Variants in LIPC observed in about 807,000 individuals in gnomAD.
LIPC encodes lipase C, hepatic type.
A neutral mutation model predicts 50.7 loss-of-function variants in LIPC; 44 were observed. That is an observed-to-expected ratio of 0.87 (90% CI 0.68 to 1.11). The LOEUF is 1.11. Among genes scored for constraint, LIPC ranks in the 50% most tolerant of loss-of-function variants. The pLI is 0.00. For synonymous variants in LIPC, 271 were observed against 256.4 expected (o/e 1.06, Z -0.54); for missense variants, 697 against 648.2 (o/e 1.08, Z -0.82).
chr15:58,467,705 T>C (rs1894620728), intron 1 of LIPC, among the ~76,000 whole-genome samples: 1 of 152,210 alleles, frequency 6.6e-6, no homozygotes, highest in African/African-American at 2.4e-5. Flanking sequence ...ATGTTCTATG[T>C]TTTATTTTGG....
At chr15:58,473,821 T>A (rs1890891643) in intron 1 of LIPC, 1 of 152,446 alleles carries the variant, frequency 6.6e-6, no homozygotes, top group African/African-American at 2.4e-5. Context: ...CTCCCCCTCA[T>A]TGCAATGTAC....
intron 1 of LIPC, among the ~76,000 whole-genome samples, chr15:58,449,250 G>A (rs1296822017): frequency 6.6e-6 from 1 of 152,212 alleles, no homozygotes; most frequent in Non-Finnish European, 1.5e-5. Context: ...TATGAAGCAT[G>A]TTGGCAGCCA....
chr15:58,512,364 G>A (rs951519421), intron 1 of LIPC, among the ~76,000 whole-genome samples: 6 of 152,182 alleles, frequency 3.9e-5, no homozygotes, highest in African/African-American at 1.4e-4. Context: ...CTACCAAAGT[G>A]TTGTTGGGAT....
intron 2 of LIPC, among the ~76,000 whole-genome samples, chr15:58,540,727 C>T (rs1467825156): frequency 5.9e-5 from 9 of 152,190 alleles, no homozygotes; most frequent in South Asian, 2.1e-4. Flanking sequence ...TGACTCTGCA[C>T]GCACTGTTCC....
intron 1 of LIPC, among the ~76,000 whole-genome samples, chr15:58,483,003 C>T (rs1263566569): frequency 1.3e-5 from 2 of 152,208 alleles, no homozygotes; most frequent in East Asian, 3.8e-4. Flanking sequence ...GAGCCCTTCA[C>T]TCAGCGAAAG....
intron 1 of LIPC, among the ~76,000 whole-genome samples, chr15:58,471,888 A>C (rs1359953876): frequency 3.3e-5 from 5 of 152,114 alleles, no homozygotes; most frequent in Non-Finnish European, 5.9e-5. Flanking sequence ...TGGGCTCCCC[A>C]GTGAAGCTCC....
intron 1 of LIPC, among the ~76,000 whole-genome samples, chr15:58,447,095 G>A (rs1893722858): frequency 7.3e-6 from 1 of 137,648 alleles, no homozygotes; most frequent in African/African-American, 2.7e-5. Flanking sequence ...GTTGCAGTGA[G>A]CCGAGATTGC....
chr15:58,565,350 G>T (rs1017262519), intron 8 of LIPC: 38 of 1,528,996 alleles, frequency 2.5e-5, no homozygotes, highest in Admixed American at 1.2e-4. Context: ...TGCTCACCCT[G>T]ACAATCCCAT....
chr15:58,568,920 C>T lies in LIPC; in HGVS notation c.*93C>T, dbSNP rs1894473461. The stretch of plus-strand genomic sequence containing the variant: ...TAGAAGCCAAAATTACATAAAGAAT[C>T]TCACACAAAGCTTAAATAAAGTTTA... On this transcript the variant is annotated 3_prime_UTR_variant, in exon 9 of 9. Transcript: ENST00000299022. 11 of 691,696 alleles carry T rather than the reference C, an allele frequency of 1.6e-5. No homozygotes were observed. The South Asian group carries it at 2.2e-4, about 14-fold the overall frequency. The allele number at this position is 691,696 out of a possible 1,614,324, so 42.8% of individuals were successfully genotyped here.
At chr15:58,542,232 A>G (rs1893356350) in intron 3 of LIPC, among the ~76,000 whole-genome samples, 1 of 152,056 alleles carries the variant, frequency 6.6e-6, no homozygotes, top group African/African-American at 2.4e-5. Flanking sequence ...ATGCTAAGGG[A>G]TACAAACACA....
chr15:58,436,779 C>T (rs767753440), intron 1 of LIPC: 2 of 455,916 alleles, frequency 4.4e-6, no homozygotes, highest in South Asian at 1.5e-5. Flanking sequence ...TTGGAGGAGG[C>T]GGCATTTGAG....
At chr15:58,436,894 A>G in intron 1 of LIPC, 1 of 455,776 alleles carries the variant, frequency 2.2e-6, no homozygotes, top group Non-Finnish European at 4.4e-6. Flanking sequence ...AAGCCCAAAT[A>G]CCTTTCAAAA....
At chr15:58,552,769 G>A (rs994555834) in intron 6 of LIPC, among the ~76,000 whole-genome samples, 13 of 152,234 alleles carry the variant, frequency 8.5e-5, no homozygotes, top group African/African-American at 3.1e-4. Context: ...GGGTGTCGTA[G>A]ACAGCACAGG....
At chr15:58,531,635 A>AAAAC (rs1295681508) in intron 1 of LIPC, among the ~76,000 whole-genome samples, 4 of 150,986 alleles carry the variant, frequency 2.6e-5, no homozygotes, top group Non-Finnish European at 5.9e-5. Flanking sequence ...TCAAAAAAAA[A>AAAAC]AAAAAAAAAC....
chr15:58,523,576 T>C (rs1197610413), intron 1 of LIPC, among the ~76,000 whole-genome samples: 9 of 150,758 alleles, frequency 6.0e-5, no homozygotes, highest in African/African-American at 2.2e-4. Flanking sequence ...GAAATAGTTA[T>C]CATGGAAAGT....
At chr15:58,439,321 A>C (rs1384034888) in intron 1 of LIPC, among the ~76,000 whole-genome samples, 1 of 152,222 alleles carries the variant, frequency 6.6e-6, no homozygotes, top group Non-Finnish European at 1.5e-5. Flanking sequence ...TGGTATATTG[A>C]CTTTCATGAT....
At chr15:58,565,913 CA>C (rs55871337) in intron 8 of LIPC, 339,929 of 936,264 alleles carry the variant, frequency 0.36, 13,787 homozygotes, top group Admixed American at 0.45. Context: ...TCGGAGAATA[CA>C]AAAAAAAAAA....
At chr15:58,566,274 A>G in intron 8 of LIPC, 1 of 985,414 alleles carries the variant, frequency 1.0e-6, no homozygotes. Flanking sequence ...GGAGGCCAAG[A>G]GGTGTTCCCA....
chr15:58,438,394 C>A (rs1020428102), intron 1 of LIPC, among the ~76,000 whole-genome samples: 1 of 152,162 alleles, frequency 6.6e-6, no homozygotes, highest in African/African-American at 2.4e-5. Context: ...AGGTACTGTG[C>A]GCTGGCCCCC....
Sources: allele counts gnomAD v4.1 joint callset (sites outside exome capture counted in the v4.1 genomes callset), GRCh38; gene constraint gnomAD v4.1.1; transcripts MANE v1.5; gene names NCBI Gene and HGNC (gene_info 2026-07-23, HGNC 2026-07-21).